Variants in PLEKHM2 observed in about 807,000 individuals in gnomAD.
PLEKHM2 encodes pleckstrin homology domain-containing family M member 2.
Under a neutral mutation model 116.3 loss-of-function variants are expected in PLEKHM2, and 77 were observed. The ratio of observed to expected loss-of-function variants is 0.66; its 90% CI spans 0.55 to 0.80. PLEKHM2 has a LOEUF of 0.80. PLEKHM2 is among the 30% of genes least tolerant of loss of function. PLEKHM2 has a pLI of 0.00. For missense variants in PLEKHM2, 1,183 were observed against 1,354.9 expected, an observed-to-expected ratio of 0.87 and a Z score of 1.99; for synonymous variants, 562 against 571.0, an observed-to-expected ratio of 0.98 and a Z score of 0.22.
intron 1 of PLEKHM2, among the ~76,000 whole-genome samples, chr1:15,715,314 C>T (rs556313106): frequency 3.9e-5 from 6 of 152,310 alleles, no homozygotes; most frequent in Admixed American, 1.3e-4. Context: ...CACACCACTG[C>T]ACTCCAGCCT....
intron 1 of PLEKHM2, among the ~76,000 whole-genome samples, chr1:15,693,427 G>A (rs914599311): frequency 6.6e-6 from 1 of 152,242 alleles, no homozygotes; most frequent in African/African-American, 2.4e-5. Context: ...TTGTGACACT[G>A]TGTGGTCCTT....
At chr1:15,717,242 C>T (rs1641464054) in intron 3 of PLEKHM2, among the ~76,000 whole-genome samples, 1 of 151,978 alleles carries the variant, frequency 6.6e-6, no homozygotes, top group Admixed American at 6.5e-5. Context: ...AGAGTGAGAC[C>T]CCATCTCTAA....
chr1:15,725,722 C>T, intron 8 of PLEKHM2, 177 bp downstream of exon 8: 1 of 596,490 alleles, frequency 1.7e-6, no homozygotes, highest in Non-Finnish European at 3.0e-6. Flanking sequence ...GGAGGCCTGT[C>T]CTAGTCAGCT....
At chr1:15,713,244 A>G (rs34897764) in intron 1 of PLEKHM2, among the ~76,000 whole-genome samples, 28,293 of 151,482 alleles carry the variant, frequency 0.19, 2,759 homozygotes, top group Middle Eastern at 0.24. Context: ...ATGAGCCACC[A>G]CTCGTGGCAT....
At chr1:15,702,717 CTTTTTTTTTT>C (rs34226783) in intron 1 of PLEKHM2, among the ~76,000 whole-genome samples, 15 of 89,924 alleles carry the variant, frequency 1.7e-4, no homozygotes, top group Non-Finnish European at 2.5e-4. Context: ...CGTGCCCAGC[CTTTTTTTTTT>C]TTTTTTTTTT....
At chr1:15,717,820 T>G in intron 3 of PLEKHM2, 73 bp from the exon 4 acceptor site, 1 of 949,798 alleles carries the variant, frequency 1.1e-6, no homozygotes, top group Non-Finnish European at 1.7e-6. Context: ...CTTTCCTTTC[T>G]GCGCTTGCTT....
At chr1:15,725,707 G>C (rs2068055768) in intron 8 of PLEKHM2, 162 bp downstream of exon 8, 1 of 609,820 alleles carries the variant, frequency 1.6e-6, no homozygotes. Flanking sequence ...TGAGCAAGAG[G>C]AAGTGGAGGC....
rs749753146 is a variant in PLEKHM2 at position 15,694,885 on chromosome 1, G to A, written c.60+10267G>A. On this transcript the variant is annotated intron_variant, in intron 1 of 19. Transcript: ENST00000375799. ...TGATTCTCCTGCCTCAGCCTCCCAA[G>A]TAGCTGGGATTACAGGCAGGCACCA... is the stretch of plus-strand genomic sequence containing the variant. 5.2e-4 allele frequency among the ~76,000 whole-genome samples: 79 copies of A among 151,930 alleles called. 1 individual carries two copies. Among genetic ancestry groups the A allele is most frequent in the Non-Finnish European group, 2.8e-4 (19 of 67,998 alleles).
chr1:15,714,115 T>A (rs1000203224), intron 1 of PLEKHM2, among the ~76,000 whole-genome samples: 1 of 151,738 alleles, frequency 6.6e-6, no homozygotes, highest in East Asian at 1.9e-4. Context: ...CTAGTTGTTG[T>A]ATTTTAGTAG....
intron 1 of PLEKHM2, among the ~76,000 whole-genome samples, chr1:15,705,554 C>T (rs72879494): frequency 0.027 from 4,084 of 152,168 alleles, 192 homozygotes; most frequent in African/African-American, 0.092. Context: ...AAACGGCTGC[C>T]GTCCACCTGC....
intron 1 of PLEKHM2, among the ~76,000 whole-genome samples, chr1:15,706,469 G>A (rs1275066274): frequency 6.9e-6 from 1 of 144,664 alleles, no homozygotes; most frequent in Non-Finnish European, 1.5e-5. Context: ...GCAGTGGCAC[G>A]ATCTCGGCTC....
intron 19 of PLEKHM2, among the ~76,000 whole-genome samples, chr1:15,733,446 A>C (rs1428195217): frequency 3.9e-5 from 6 of 152,262 alleles, no homozygotes; most frequent in Non-Finnish European, 7.3e-5. Context: ...TTTTGAGCAC[A>C]TGCTACGCTC....
intron 1 of PLEKHM2, among the ~76,000 whole-genome samples, chr1:15,685,060 C>T (rs1483609401): frequency 6.6e-6 from 1 of 152,258 alleles, no homozygotes; most frequent in African/African-American, 2.4e-5. Context: ...TTCACTTTCC[C>T]ATGGCCTGGG....
chr1:15,725,914 C>G, intron 8 of PLEKHM2: 1 of 260,350 alleles, frequency 3.8e-6, no homozygotes, highest in Non-Finnish European at 7.5e-6. Context: ...CTCTAGGGTC[C>G]CTTTTATGAG....
rs1404541702 is a variant in PLEKHM2, at chr1:15,721,439, T to C, written c.712+51T>C. On this transcript the variant is annotated intron_variant, in intron 7 of 19. Coordinates refer to ENST00000375799, the MANE Select transcript of PLEKHM2 (RefSeq NM_015164.4). The surrounding 1 kb of genome is among the most constrained non-coding windows in gnomAD (Gnocchi z 5.1). ...CTTTTCCTGTTTTGCAATGTTTCCATGCCAAGCTTGCTGCATGTATCAAAT... is the reference window on the plus strand; with the variant it reads ...CTTTTCCTGTTTTGCAATGTTTCCACGCCAAGCTTGCTGCATGTATCAAAT... The C allele has an allele frequency of 1.1e-5, 12 of 1,099,754 alleles. No homozygotes were observed. The highest frequency in any genetic ancestry group is 1.5e-5 in the Non-Finnish European group (11 of 738,324). The allele number at this position is 1,099,754 out of a possible 1,614,324, so 68.1% of individuals were successfully genotyped here.
In PLEKHM2 at chr1:15,728,358, G is replaced by T; in HGVS notation, c.1921+1G>T. On this transcript the variant is annotated splice_donor_variant, in intron 11 of 19. Coordinates refer to ENST00000375799, the MANE Select transcript of PLEKHM2 (RefSeq NM_015164.4). LOFTEE classifies it high-confidence loss of function. This position sits in a 1 kb window ranked among gnomAD's most constrained non-coding sequence, Gnocchi z 5.9. ...TGCTATGTCTACCTGCTCCGGAAAGGTGCCCGCCGCCCCCGGGCAGACAGC... is the reference window on the plus strand; with the variant it reads ...TGCTATGTCTACCTGCTCCGGAAAGTTGCCCGCCGCCCCCGGGCAGACAGC... 6.2e-7 allele frequency: 1 copy of T among 1,611,760 alleles called. No individual in the cohort carries two copies. The highest frequency in any genetic ancestry group is 1.1e-5 in the South Asian group (1 of 90,980).
At chr1:15,701,079 A>G (rs1372423014) in intron 1 of PLEKHM2, among the ~76,000 whole-genome samples, 1 of 117,938 alleles carries the variant, frequency 8.5e-6, no homozygotes, top group African/African-American at 3.4e-5. Context: ...TGCCATTGCA[A>G]TCCAGCCTGG....
Position 15,732,041 on chromosome 1 carries a change from C to T in PLEKHM2, c.2618C>T (p.Ser873Phe). 6.2e-7 allele frequency: 1 copy of T among 1,610,924 alleles called. No homozygotes were observed. The highest frequency in any genetic ancestry group is 8.5e-7 in the Non-Finnish European group (1 of 1,179,054). ...EWMQHLCQAVSKGVIPQGVAP... is the reference protein window; with the variant it reads ...EWMQHLCQAVFKGVIPQGVAP... The stretch of plus-strand genomic sequence containing the variant: ...ATGCAGCATCTCTGCCAGGCTGTGT[C>T]CAAAGGGGTGAGCTTCGCCTGCCCC... Residue 873 changes from serine to phenylalanine, a missense_variant, in exon 17 of 20, where the codon TCC (serine) becomes TTC (phenylalanine). Transcript: ENST00000375799.
Position 15,719,790 on chromosome 1 carries a change from C to A in PLEKHM2, c.522C>A (p.Tyr174Ter), listed in dbSNP as rs751107623. The change falls in exon 6 of 20, where the codon TAC (tyrosine) becomes TAA (stop). Residue 174 changes from tyrosine (Y) to a stop codon, truncating the protein, a stop_gained. Transcript: ENST00000375799. LOFTEE classifies it high-confidence loss of function. The surrounding 1 kb of genome is among the most constrained non-coding windows in gnomAD (Gnocchi z 4.1). ...TGCCCGACTACTACAAACCTCAGTACCTGCTGGACTTTGAAGACCGCCTTC... is the reference window on the plus strand; with the variant it reads ...TGCCCGACTACTACAAACCTCAGTAACTGCTGGACTTTGAAGACCGCCTTC... The part of the protein sequence containing the change: ...PYMPDYYKPQ[Y>*]LLDFEDRLPS... The A allele has an allele frequency of 6.2e-7, 1 of 1,613,798 alleles. No individual in the cohort carries two copies. The highest frequency in any genetic ancestry group is 2.2e-5 in the East Asian group (1 of 44,870).
Sources: allele counts gnomAD v4.1 joint callset (sites outside exome capture counted in the v4.1 genomes callset), GRCh38; gene constraint gnomAD v4.1.1; non-coding constraint Gnocchi (gnomAD v3.1); transcripts MANE v1.5; gene names NCBI Gene and HGNC (gene_info 2026-07-23, HGNC 2026-07-21).